SPDYE1: variants seen among roughly 807,000 people sequenced by gnomAD.
The protein encoded by SPDYE1 is speedy/RINGO cell cycle regulator family member E1.
In SPDYE1, 29 loss-of-function variants were observed where a neutral mutation model predicts 45.9. The observed-to-expected ratio is 0.63, with a 90% CI of 0.47 to 0.86. SPDYE1 has a LOEUF of 0.86. Ranked by LOEUF, SPDYE1 falls within the 40% of genes least tolerant of loss-of-function variation. SPDYE1 has a pLI of 0.00. For missense variants in SPDYE1, 346 were observed against 481.4 expected (o/e 0.72, Z 2.63); for synonymous variants, 134 against 176.8 (o/e 0.76, Z 1.92).
At chr7:44,005,793 C>T (rs1184198893) in intron 6 of SPDYE1, among the ~76,000 whole-genome samples, 3 of 151,992 alleles carry the variant, frequency 2.0e-5, no homozygotes, top group South Asian at 2.1e-4. Flanking sequence ...AGTGGAGGAG[C>T]GGACATGCCA....
At chr7:44,002,340 A>AAG (rs1554300925) in intron 3 of SPDYE1, among the ~76,000 whole-genome samples, 1 of 131,114 alleles carries the variant, frequency 7.6e-6, no homozygotes, top group African/African-American at 2.8e-5. Context: ...AAAAAAAAAA[A>AAG]GGGACTCAGA....
chr7:44,007,595 G>A lies in SPDYE1; in HGVS notation c.1071+9G>A. 1.2e-6 allele frequency: 2 copies of A among 1,612,816 alleles called. No individual in the cohort carries two copies. The highest frequency in any genetic ancestry group is 1.7e-6 in the Non-Finnish European group (2 of 1,180,020). On this transcript the variant is annotated intron_variant, in intron 7 of 8. Coordinates refer to ENST00000693451, the MANE Select transcript of SPDYE1 (RefSeq NM_001378423.2). ...CAGAGGAGTTGGAGGAGGTGAGTGG[G>A]GCCTGGGGAGGTGGAGGAGGTGGGG... is the stretch of plus-strand genomic sequence containing the variant.
rs1401130700 is a variant in SPDYE1 at position 43,997,926 on chromosome 7, G to C, written c.-456G>C. ...TCAGCAGAGACAGACCCCAGATCTG[G>C]GCCCAGGACTTTGTGCAGGGAGGGG... On this transcript the variant is annotated 5_prime_UTR_variant, in exon 1 of 9. Coordinates refer to ENST00000693451, the MANE Select transcript of SPDYE1 (RefSeq NM_001378423.2). 6.6e-6 allele frequency among the ~76,000 whole-genome samples: 1 copy of C among 152,164 alleles called. No homozygotes were observed. Among genetic ancestry groups the C allele is most frequent in the Non-Finnish European group, 1.5e-5 (1 of 68,036 alleles).
intron 1 of SPDYE1, among the ~76,000 whole-genome samples, chr7:43,999,176 T>C (rs902682784): frequency 2.0e-5 from 3 of 152,178 alleles, no homozygotes; most frequent in Non-Finnish European, 2.9e-5. Flanking sequence ...ATTGGAAATA[T>C]GTGTGAGCTC....
Position 44,002,787 on chromosome 7 carries a change from G to A in SPDYE1, c.577G>A (p.Glu193Lys). 6.5e-7 allele frequency: 1 copy of A among 1,542,690 alleles called. No individual in the cohort carries two copies. Among genetic ancestry groups the A allele is most frequent in the African/African-American group, 1.6e-5 (1 of 64,114 alleles). Residue 193 changes from glutamate (E) to lysine (K), a missense_variant, in exon 4 of 9, where the codon GAG becomes AAG. Coordinates refer to ENST00000693451, the MANE Select transcript of SPDYE1 (RefSeq NM_001378423.2). ...KRRRVSLVLP[E>K]HHEAFNRLLE... ...ACGGCGAGTGTCGCTCGTGCTCCCTGAGCACCACGAGGCCTTCAACAGGCT... is the reference window on the plus strand; with the variant it reads ...ACGGCGAGTGTCGCTCGTGCTCCCTAAGCACCACGAGGCCTTCAACAGGCT...
At chr7:43,999,296 C>T (rs57804112) in intron 1 of SPDYE1, among the ~76,000 whole-genome samples, 1 of 152,182 alleles carries the variant, frequency 6.6e-6, no homozygotes, top group African/African-American at 2.4e-5. Context: ...ACCCCCAGTA[C>T]AGAATCTTGG....
At chr7:44,001,408 A>G in intron 3 of SPDYE1, 124 bp downstream of exon 3, 1 of 1,528,808 alleles carries the variant, frequency 6.5e-7, no homozygotes, top group East Asian at 2.4e-5. Context: ...ACGCAGGAGG[A>G]CTCAGAAGTG....
At chr7:44,000,824 A>C in intron 2 of SPDYE1, 1 of 1,038,016 alleles carries the variant, frequency 9.6e-7, no homozygotes, top group Non-Finnish European at 1.2e-6. Context: ...AAAAGGAGGG[A>C]CTCAGAGAGC....
chr7:44,001,029 CAGA>C (rs2096062160), intron 2 of SPDYE1, 34 bp from the exon 3 acceptor site: 1 of 1,597,066 alleles, frequency 6.3e-7, no homozygotes, highest in Non-Finnish European at 8.5e-7. Flanking sequence ...TGATCAGATG[CAGA>C]AGCATTACAC....
chr7:44,002,915 G>T, intron 4 of SPDYE1, 98 bp downstream of exon 4: 1 of 694,168 alleles, frequency 1.4e-6, no homozygotes, highest in East Asian at 2.8e-5. Flanking sequence ...ATAGGCCCCA[G>T]TGGGTGAGCT....
At chr7:44,006,675 C>G (rs985996409) in intron 6 of SPDYE1, among the ~76,000 whole-genome samples, 6 of 152,154 alleles carry the variant, frequency 3.9e-5, no homozygotes, top group Non-Finnish European at 8.8e-5. Context: ...AATGGAGTGG[C>G]CCAATCTCAA....
rs776905919 is a variant in SPDYE1, at chr7:44,007,466, T to C, written c.951T>C (p.Arg317=). 4 of 1,573,682 alleles carry C rather than the reference T, an allele frequency of 2.5e-6. No individual in the cohort carries two copies. Among genetic ancestry groups the C allele is most frequent in the South Asian group, 1.2e-5 (1 of 85,938 alleles). Residue 317 remains arginine (R), a synonymous_variant, in exon 7 of 9, where the codon CGT becomes CGC. Coordinates refer to ENST00000693451, the MANE Select transcript of SPDYE1 (RefSeq NM_001378423.2). ...LVRKRRFQLR[R]CMNPRARKNR... Reference sequence around the variant, plus strand: ...GTAAGCGTCGGTTCCAGTTACGCCGTTGCATGAACCCGAGGGCCAGGAAGA... The same window carrying C: ...GTAAGCGTCGGTTCCAGTTACGCCGCTGCATGAACCCGAGGGCCAGGAAGA...
rs1441787536 is a variant in SPDYE1, at chr7:44,009,510, A to G, written c.*889A>G. On this transcript the variant is annotated 3_prime_UTR_variant, in exon 9 of 9. Transcript: ENST00000693451. ...TTGTGATTTTTAACATGTGTCAGAT[A>G]TATATACTAACACGTCTAATATATA... 6.6e-6 allele frequency: 1 copy of G among 151,336 alleles called. No homozygotes were observed. Among genetic ancestry groups the G allele is most frequent in the Non-Finnish European group, 1.5e-5 (1 of 67,860 alleles). 9.4% of individuals were successfully genotyped at this position (151,336 alleles called of 1,614,324 possible). A position where few individuals can be genotyped will look rare whatever the true frequency, so the allele number is the denominator to read the frequency against.
At chr7:44,004,192 G>A (rs1562631060) in intron 5 of SPDYE1, 6 of 540,282 alleles carry the variant, frequency 1.1e-5, no homozygotes, top group South Asian at 2.1e-5. Context: ...GAACCACCAC[G>A]CCTGGCTAAT....
In SPDYE1 at chr7:44,002,788, A is replaced by G. The variant is rs772054263; in HGVS notation, c.578A>G (p.Glu193Gly). The G allele has an allele frequency of 5.2e-6, 8 of 1,542,252 alleles. No individual in the cohort carries two copies. The South Asian group carries it at 6.9e-5, about 13-fold the overall frequency. The change falls in exon 4 of 9, where the codon GAG becomes GGG. Residue 193 changes from glutamate to glycine, a missense_variant. Coordinates refer to ENST00000693451, the MANE Select transcript of SPDYE1 (RefSeq NM_001378423.2). ...CGGCGAGTGTCGCTCGTGCTCCCTG[A>G]GCACCACGAGGCCTTCAACAGGCTG... is the stretch of plus-strand genomic sequence containing the variant. ...KRRRVSLVLP[E>G]HHEAFNRLLE...
chr7:44,008,472 T>C (rs2096074845), intron 8 of SPDYE1, among the ~76,000 whole-genome samples, 195 bp from the exon 9 acceptor site: 1 of 152,176 alleles, frequency 6.6e-6, no homozygotes. Context: ...TAAGTGAGTT[T>C]TGGAGTCATG....
chr7:44,001,926 T>G (rs1301129832), intron 3 of SPDYE1, among the ~76,000 whole-genome samples: 8 of 132,536 alleles, frequency 6.0e-5, no homozygotes, highest in South Asian at 2.4e-4. Context: ...GGTGAGAGAG[T>G]GAGACGCTGT....
rs1173050211 is a variant in SPDYE1, at chr7:44,009,517, C to G, written c.*896C>G. On this transcript the variant is annotated 3_prime_UTR_variant, in exon 9 of 9. Coordinates refer to ENST00000693451, the MANE Select transcript of SPDYE1 (RefSeq NM_001378423.2). ...TTTTAACATGTGTCAGATATATATA[C>G]TAACACGTCTAATATATACTATTTT... 6.6e-6 allele frequency: 1 copy of G among 150,886 alleles called. No homozygotes were observed. Among genetic ancestry groups the G allele is most frequent in the Non-Finnish European group, 1.5e-5 (1 of 67,762 alleles). 9.3% of individuals were successfully genotyped at this position (150,886 alleles called of 1,614,324 possible).
In SPDYE1 at chr7:44,007,311, C is replaced by T. The variant is rs753840814; in HGVS notation, c.796C>T (p.Gln266Ter). 287 of 1,613,038 alleles carry T rather than the reference C, an allele frequency of 1.8e-4. No individual in the cohort carries two copies. Among genetic ancestry groups the T allele is most frequent in the Non-Finnish European group, 2.4e-4 (279 of 1,180,052 alleles). Reference protein sequence around the residue: ...DMEEDDEDSKQNIFHFLYGKN... With the variant: ...DMEEDDEDSK ...GGAGGAGGACGACGAGGACTCCAAA[C>T]AAAACATCTTCCACTTCCTGTATGG... Residue 266 changes from glutamine (Q) to a stop codon, truncating the protein, a stop_gained, in exon 7 of 9, where the codon CAA becomes TAA. Transcript: ENST00000693451. LOFTEE classifies it high-confidence loss of function.
Sources: allele counts gnomAD v4.1 joint callset (sites outside exome capture counted in the v4.1 genomes callset), GRCh38; gene constraint gnomAD v4.1.1; transcripts MANE v1.5; gene names NCBI Gene and HGNC (gene_info 2026-07-23, HGNC 2026-07-21).